CSF2RA: variants seen among roughly 807,000 people sequenced by gnomAD.
CSF2RA encodes granulocyte-macrophage colony-stimulating factor receptor subunit alpha.
A neutral mutation model predicts 51.6 loss-of-function variants in CSF2RA; 42 were observed. The observed-to-expected ratio is 0.81, with a 90% confidence interval of 0.64 to 1.05. The LOEUF (loss-of-function observed/expected upper bound fraction) is 1.05. Among genes scored for constraint, CSF2RA ranks in the 50% least tolerant of loss-of-function variants. The probability of loss-of-function intolerance (pLI) is 0.00; values close to 1 mark genes in which losing one functional copy is unlikely to be tolerated. For missense variants in CSF2RA, 530 were observed against 501.1 expected, an observed-to-expected ratio of 1.06 and a Z score of -0.55; for synonymous variants, 222 against 193.0, an observed-to-expected ratio of 1.15 and a Z score of -1.24.
intron 2 of CSF2RA, among the ~76,000 whole-genome samples, chrX:1,281,022 C>A (rs1221061492): frequency 3.1e-4 from 29 of 93,144 alleles, no homozygotes; most frequent in Non-Finnish European, 4.7e-4. Context: ...CCTCCTCCTC[C>A]TTCTCCTCCT....
the CSF2RA span, among the ~76,000 whole-genome samples, chrX:1,319,478 G>T: frequency 6.7e-6 from 1 of 149,210 alleles, no homozygotes; most frequent in Non-Finnish European, 1.5e-5. Flanking sequence ...AGTACAGACG[G>T]GGTCTCACTA....
intron 3 of CSF2RA, among the ~76,000 whole-genome samples, chrX:1,283,172 T>A (rs2090251797): frequency 1.9e-3 from 1 of 516 alleles, no homozygotes; most frequent in Admixed American, 0.021. Context: ...CCTTCGTTCC[T>A]TCCTTCCTTC....
intron 7 of CSF2RA, 147 bp downstream of exon 7, chrX:1,290,656 G>T (rs1376213653): frequency 9.6e-6 from 8 of 834,334 alleles, no homozygotes; most frequent in South Asian, 1.4e-5. Context: ...CCTGAGATCG[G>T]GTGTTCAAAA....
At chrX:1,315,288 G>C (rs2084528039), downstream of CSF2RA, among the ~76,000 whole-genome samples, 1 of 152,044 alleles carries the variant, frequency 6.6e-6, no homozygotes, top group African/African-American at 2.4e-5. Flanking sequence ...ATGATTGATA[G>C]ATGACAGATG....
intron 1 of CSF2RA, among the ~76,000 whole-genome samples, chrX:1,270,389 C>A (rs192272950): frequency 4.9e-4 from 74 of 152,012 alleles, no homozygotes; most frequent in African/African-American, 1.6e-3. Context: ...AAGGCAAATG[C>A]CACCATTCCT....
chrX:1,302,436 G>A (rs1364626804), intron 10 of CSF2RA, among the ~76,000 whole-genome samples: 1 of 152,134 alleles, frequency 6.6e-6, no homozygotes, highest in Non-Finnish European at 1.5e-5. Flanking sequence ...TGGGGTACAG[G>A]GATGATCAGA....
chrX:1,297,202 CGG>C, intron 9 of CSF2RA, among the ~76,000 whole-genome samples: 1 of 15,550 alleles, frequency 6.4e-5, no homozygotes, highest in Non-Finnish European at 1.3e-4. Flanking sequence ...TGACCCCTGG[CGG>C]AACCCTACAG....
chrX:1,271,755 G>T (rs2088464567), intron 1 of CSF2RA, among the ~76,000 whole-genome samples: 1 of 151,768 alleles, frequency 6.6e-6, no homozygotes, highest in Non-Finnish European at 1.5e-5. Context: ...GACTTCAAAT[G>T]ATCCGCTCAC....
In CSF2RA at chrX:1,288,647, G is replaced by A. The variant is rs1442528862; in HGVS notation, c.343+5G>A. 6.2e-7 allele frequency: 1 copy of A among 1,613,852 alleles called. No homozygotes were observed. Among genetic ancestry groups the A allele is most frequent in the African/African-American group, 1.3e-5 (1 of 74,912 alleles). ...AACTGCTTTATCCAAATTCAGGTAAGCAAGACAGCTCAGGGATCCGTTTAC... is the reference window on the plus strand; with the variant it reads ...AACTGCTTTATCCAAATTCAGGTAAACAAGACAGCTCAGGGATCCGTTTAC... On this transcript the variant is annotated splice_donor_5th_base_variant and intron_variant, in intron 5 of 12. Transcript: ENST00000381529.
At chrX:1,299,132 G>T (rs1252585594) in intron 9 of CSF2RA, among the ~76,000 whole-genome samples, 1 of 152,072 alleles carries the variant, frequency 6.6e-6, no homozygotes, top group Non-Finnish European at 1.5e-5. Context: ...GTGTCCCAAT[G>T]GTTGGAATAT....
rs2091695952 is a variant in CSF2RA, at chrX:1,294,214, C to T, written c.647-114C>T. 8 of 1,334,806 alleles carry T rather than the reference C, an allele frequency of 6.0e-6. No homozygotes were observed. The Admixed American group carries it at 1.3e-4, about 22-fold the overall frequency. 82.7% of individuals were successfully genotyped at this position (1,334,806 alleles called of 1,614,324 possible). On this transcript the variant is annotated intron_variant, in intron 7 of 12. Coordinates refer to ENST00000381529, the MANE Select transcript of CSF2RA (RefSeq NM_172245.4). ...GGACCCAGTGTAGACAGGACCTACTCCACCTCCACCTGGACCCAGTGTAGA... is the reference window on the plus strand; with the variant it reads ...GGACCCAGTGTAGACAGGACCTACTTCACCTCCACCTGGACCCAGTGTAGA...
At chrX:1,293,051 T>A (rs1490337229) in intron 7 of CSF2RA, among the ~76,000 whole-genome samples, 1 of 152,142 alleles carries the variant, frequency 6.6e-6, no homozygotes, top group African/African-American at 2.4e-5. Flanking sequence ...GCAAACCTAT[T>A]GTTAACAAGA....
At chrX:1,284,533 T>C (rs112881413) in intron 3 of CSF2RA, among the ~76,000 whole-genome samples, 1,038 of 32,112 alleles carry the variant, frequency 0.032, no homozygotes, top group East Asian at 0.091. Context: ...GGATCAAGTA[T>C]CCTCCCACTC....
downstream of CSF2RA, chrX:1,309,938 C>T (rs73618060): frequency 0.027 from 14,893 of 553,646 alleles, 1,700 homozygotes; most frequent in African/African-American, 0.25. Context: ...GGCTGGGCGC[C>T]GTGGCTCATG....
intron 7 of CSF2RA, among the ~76,000 whole-genome samples, chrX:1,290,768 G>A (rs2091324414): frequency 6.6e-6 from 1 of 152,066 alleles, no homozygotes; most frequent in Non-Finnish European, 1.5e-5. Flanking sequence ...GGAAGGCTGA[G>A]GAGAATCACT....
At chrX:1,286,018 A>T (rs1255059942) in intron 4 of CSF2RA, 98 bp downstream of exon 4, 27 of 1,425,236 alleles carry the variant, frequency 1.9e-5, no homozygotes, top group Admixed American at 8.4e-5. Context: ...CACGCCTGTC[A>T]TCCCAGCACT....
the CSF2RA span, among the ~76,000 whole-genome samples, chrX:1,319,202 G>A: frequency 6.7e-6 from 1 of 149,270 alleles, no homozygotes; most frequent in Non-Finnish European, 1.5e-5. Flanking sequence ...CACCATGTTG[G>A]CCAGGCTGGT....
intron 1 of CSF2RA, among the ~76,000 whole-genome samples, chrX:1,274,412 C>T (rs1253272909): frequency 6.6e-6 from 1 of 150,838 alleles, no homozygotes; most frequent in African/African-American, 2.4e-5. Context: ...GTAACCTCCG[C>T]CTCCCGTGTT....
rs1458857336 is a variant in CSF2RA, at chrX:1,288,584, G to A, written c.285G>A (p.Glu95=). Reference sequence around the variant, plus strand: ...GTCTGCATGAAGGAGTCACATTTGAGGTTCACGTGAATACTAGTCAAAGAG... The same window carrying A: ...GTCTGCATGAAGGAGTCACATTTGAAGTTCACGTGAATACTAGTCAAAGAG... The part of the protein sequence containing the change: ...EICLHEGVTF[E]VHVNTSQRGF... Residue 95 remains glutamate, a synonymous_variant, in exon 5 of 13, where the codon GAG becomes GAA. Transcript: ENST00000381529. 5.6e-6 allele frequency: 9 copies of A among 1,613,910 alleles called. No individual in the cohort carries two copies. Among genetic ancestry groups the A allele is most frequent in the Non-Finnish European group, 5.9e-6 (7 of 1,179,858 alleles).
Sources: allele counts gnomAD v4.1 joint callset (sites outside exome capture counted in the v4.1 genomes callset), GRCh38; gene constraint gnomAD v4.1.1; transcripts MANE v1.5; gene names NCBI Gene and HGNC (gene_info 2026-07-23, HGNC 2026-07-21).